The following RLN3 variants were observed in gnomAD, a reference collection of about 807,000 sequenced individuals.
RLN3 encodes the protein relaxin-3.
A neutral mutation model predicts 10.2 loss-of-function variants in RLN3; 13 were observed. That is an observed-to-expected ratio of 1.28 (90% CI 0.83 to 2.03). The LOEUF is 2.03. Among genes scored for constraint, RLN3 ranks in the 30% most tolerant of loss-of-function variants. The pLI is 0.00. For synonymous variants in RLN3, 56 were observed against 79.2 expected, an observed-to-expected ratio of 0.71 and a Z score of 1.56; for missense variants, 191 against 187.2, an observed-to-expected ratio of 1.02 and a Z score of -0.12.
In RLN3 at chr19:14,028,249, G is replaced by C; in HGVS notation, c.45G>C (p.Leu15=). 3.7e-6 allele frequency: 6 copies of C among 1,612,340 alleles called. No homozygotes were observed. The highest frequency in any genetic ancestry group is 5.1e-6 in the Non-Finnish European group (6 of 1,179,300). Residue 15 remains leucine, a synonymous_variant, in exon 1 of 2, where the codon CTG becomes CTC. Transcript: ENST00000431365. ...TGCTGCTCCTGGCGGTATGGGTGCT[G>C]ACCGGGGAGCTGTGGCCGGGAGCTG... The part of the protein sequence containing the change: ...MLLLLLAVWV[L]TGELWPGAEA...
Position 14,029,777 on chromosome 19 carries a change from GTTGT to G in RLN3, c.191-929_191-926del, listed in dbSNP as rs1975768210. Among the ~76,000 whole-genome samples the G allele has an allele frequency of 2.0e-5, 3 of 150,874 alleles. No individual in the cohort carries two copies. The South Asian group carries it at 6.3e-4, about 32-fold the overall frequency. The stretch of plus-strand genomic sequence containing the variant: ...GTTAACCTGCTAAAGCACTTAAAAC[GTTGT>G]TTGACACAAAGTAAGTGATCAATAA... On this transcript the variant is annotated intron_variant, in intron 1 of 1. Transcript: ENST00000431365.
intron 1 of RLN3, among the ~76,000 whole-genome samples, chr19:14,028,775 C>CT (rs775942760): frequency 3.3e-5 from 5 of 152,078 alleles, no homozygotes; most frequent in Non-Finnish European, 7.4e-5. Flanking sequence ...TCTTCCGTCT[C>CT]TGAGTGTCTT....
chr19:14,030,160 T>G, intron 1 of RLN3: 2 of 629,260 alleles, frequency 3.2e-6, no homozygotes, highest in Non-Finnish European at 5.7e-6. Context: ...GTTCCAGACA[T>G]TGTTCTAAGT....
chr19:14,030,388 G>T (rs541939477), intron 1 of RLN3: 83 of 702,068 alleles, frequency 1.2e-4, no homozygotes, highest in Admixed American at 3.4e-4. Context: ...GGCTGGGTGC[G>T]GTGGCTCACG....
intron 1 of RLN3, among the ~76,000 whole-genome samples, 170 bp from the exon 2 acceptor site, chr19:14,030,540 C>G (rs142469651): frequency 0.013 from 2,001 of 152,304 alleles, 24 homozygotes; most frequent in Non-Finnish European, 0.017. Context: ...CACCTGTAAT[C>G]CCACCTACTC....
At chr19:14,029,806 A>AATTATCATTATTATTATT (rs1975769469) in intron 1 of RLN3, among the ~76,000 whole-genome samples, 1 of 142,324 alleles carries the variant, frequency 7.0e-6, no homozygotes, top group African/African-American at 2.6e-5. Flanking sequence ...GTGATCAATA[A>AATTATCATTATTATTATT]ATTATTATTA....
At chr19:14,029,998 T>C (rs1341317714) in intron 1 of RLN3, among the ~76,000 whole-genome samples, 1 of 151,720 alleles carries the variant, frequency 6.6e-6, no homozygotes, top group East Asian at 1.9e-4. Context: ...TAACTTTTTA[T>C]TATTTGTAGA....
At position 14,028,365 on chromosome 19, in the gene RLN3, G is replaced by C; in HGVS notation, c.161G>C (p.Arg54Pro). The C allele has an allele frequency of 1.2e-6, 2 of 1,612,894 alleles. No homozygotes were observed. Among genetic ancestry groups the C allele is most frequent in the Non-Finnish European group, 8.5e-7 (1 of 1,179,490 alleles). Reference sequence around the variant, plus strand: ...ACCTGCGGGGGCTCCCGGTGGAGACGATCAGACATCCTGGCCCACGAGGCT... The same window carrying C: ...ACCTGCGGGGGCTCCCGGTGGAGACCATCAGACATCCTGGCCCACGAGGCT... ...IFTCGGSRWR[R>P]SDILAHEAMG... Residue 54 changes from arginine (R) to proline (P), a missense_variant, in exon 1 of 2, where the codon CGA becomes CCA. Transcript: ENST00000431365.
rs1279605664 is a variant in RLN3 at position 14,030,945 on chromosome 19, C to G, written c.426C>G (p.Cys142Trp). 2 of 1,556,400 alleles carry G rather than the reference C, an allele frequency of 1.3e-6. No individual in the cohort carries two copies. The highest frequency in any genetic ancestry group is 1.7e-6 in the Non-Finnish European group (2 of 1,148,746). The change falls in exon 2 of 2, where the codon TGC (cysteine) becomes TGG (tryptophan). Residue 142 changes from cysteine to tryptophan, a missense_variant. Coordinates refer to ENST00000431365, the MANE Select transcript of RLN3 (RefSeq NM_080864.4). ...GCAAAAGTGAAATCAGTAGCCTTTGCTAGTTTGAGGGCTGGGCAGCCGTGG... is the reference window on the plus strand; with the variant it reads ...GCAAAAGTGAAATCAGTAGCCTTTGGTAGTTTGAGGGCTGGGCAGCCGTGG... The part of the protein sequence containing the change: ...GCSKSEISSL[C>W]
At position 14,030,920 on chromosome 19, in the gene RLN3, G is replaced by A; in HGVS notation, c.401G>A (p.Ser134Asn). The change falls in exon 2 of 2, where the codon AGC becomes AAC. Residue 134 changes from serine to asparagine, a missense_variant. By Grantham distance (46) the Ser-to-Asn change is conservative (BLOSUM62 1). Coordinates refer to ENST00000431365, the MANE Select transcript of RLN3 (RefSeq NM_080864.4). ...AGCAGCTGCTGCAAGTGGGGGTGTA[G>A]CAAAAGTGAAATCAGTAGCCTTTGC... ...LSSSCCKWGC[S>N]KSEISSLC 6.3e-7 allele frequency: 1 copy of A among 1,584,720 alleles called. No homozygotes were observed. The highest frequency in any genetic ancestry group is 8.6e-7 in the Non-Finnish European group (1 of 1,163,632).
intron 1 of RLN3, chr19:14,030,328 A>G: frequency 1.4e-6 from 1 of 702,956 alleles, no homozygotes; most frequent in Admixed American, 2.0e-5. Flanking sequence ...CCCAGCTCCC[A>G]AATGTACCAG....
At position 14,030,923 on chromosome 19, in the gene RLN3, A is replaced by C; in HGVS notation, c.404A>C (p.Lys135Thr). 6.3e-7 allele frequency: 1 copy of C among 1,583,320 alleles called. No homozygotes were observed. The highest frequency in any genetic ancestry group is 8.6e-7 in the Non-Finnish European group (1 of 1,162,978). The change falls in exon 2 of 2, where the codon AAA (lysine) becomes ACA (threonine). Residue 135 changes from lysine (K) to threonine (T), a missense_variant. Transcript: ENST00000431365. ...SSSCCKWGCSKSEISSLC is the reference protein window; with the variant it reads ...SSSCCKWGCSTSEISSLC ...AGCTGCTGCAAGTGGGGGTGTAGCA[A>C]AAGTGAAATCAGTAGCCTTTGCTAG... is the stretch of plus-strand genomic sequence containing the variant.
chr19:14,030,141 G>C, intron 1 of RLN3: 1 of 605,446 alleles, frequency 1.7e-6, no homozygotes. Flanking sequence ...ATTTTTGAGT[G>C]CTCATCATGT....
chr19:14,031,253 A>C lies in RLN3; in HGVS notation c.*305A>C. On this transcript the variant is annotated 3_prime_UTR_variant, in exon 2 of 2. Coordinates refer to ENST00000431365, the MANE Select transcript of RLN3 (RefSeq NM_080864.4). ...AACCATGCGTTTGCCTGGCCTACAC[A>C]CTCCACTGCCACAACTGGGTCCCTA... is the stretch of plus-strand genomic sequence containing the variant. The C allele has an allele frequency of 3.0e-6, 1 of 332,820 alleles. No individual in the cohort carries two copies. Among genetic ancestry groups the C allele is most frequent in the African/African-American group, 2.2e-5 (1 of 45,948 alleles). 20.6% of individuals were successfully genotyped at this position (332,820 alleles called of 1,614,324 possible).
Position 14,028,945 on chromosome 19 carries a change from T to A in RLN3, c.190+551T>A, listed in dbSNP as rs1429108598. On this transcript the variant is annotated intron_variant, in intron 1 of 1. Coordinates refer to ENST00000431365, the MANE Select transcript of RLN3 (RefSeq NM_080864.4). ...ACCTGACACCATGCCTGGCTAGTTTTAAATTTTTTTTTTGTAGAAACAGGG... is the reference window on the plus strand; with the variant it reads ...ACCTGACACCATGCCTGGCTAGTTTAAAATTTTTTTTTTGTAGAAACAGGG... Among the ~76,000 whole-genome samples, 6 of 152,018 alleles carry A rather than the reference T, an allele frequency of 3.9e-5. No homozygotes were observed. The South Asian group carries it at 6.2e-4, about 16-fold the overall frequency.
At position 14,029,145 on chromosome 19, in the gene RLN3, CAG is replaced by C. The variant is rs1328938449; in HGVS notation, c.190+754_190+755del. Among the ~76,000 whole-genome samples the C allele has an allele frequency of 3.9e-5, 6 of 151,920 alleles. No homozygotes were observed. In the Admixed American group the frequency reaches 4.0e-4, roughly 10 times the overall value. ...ATGATTAAATCAAAACAGATTAGGGCAGAGTCTCAGCAGGGCAGCGGCACAAT... is the reference window on the plus strand; with the variant it reads ...ATGATTAAATCAAAACAGATTAGGGCAGTCTCAGCAGGGCAGCGGCACAAT... On this transcript the variant is annotated intron_variant, in intron 1 of 1. Transcript: ENST00000431365.
Position 14,030,919 on chromosome 19 carries a change from A to G in RLN3, c.400A>G (p.Ser134Gly). ...LSSSCCKWGC[S>G]KSEISSLC Reference sequence around the variant, plus strand: ...CAGCAGCTGCTGCAAGTGGGGGTGTAGCAAAAGTGAAATCAGTAGCCTTTG... The same window carrying G: ...CAGCAGCTGCTGCAAGTGGGGGTGTGGCAAAAGTGAAATCAGTAGCCTTTG... The change falls in exon 2 of 2, where the codon AGC becomes GGC. Residue 134 changes from serine (S) to glycine (G), a missense_variant. By Grantham distance (56) the Ser-to-Gly change is moderately conservative. Coordinates refer to ENST00000431365, the MANE Select transcript of RLN3 (RefSeq NM_080864.4). 1 of 1,585,140 alleles carries G rather than the reference A, an allele frequency of 6.3e-7. No individual in the cohort carries two copies. Among genetic ancestry groups the G allele is most frequent in the Admixed American group, 1.8e-5 (1 of 56,554 alleles).
intron 1 of RLN3, among the ~76,000 whole-genome samples, chr19:14,028,626 G>T (rs1176459932): frequency 6.6e-6 from 1 of 152,102 alleles, no homozygotes; most frequent in Admixed American, 6.6e-5. Context: ...GAGGACAGGT[G>T]GGGGCGGGGA....
rs1250138750 is a variant in RLN3 at position 14,030,790 on chromosome 19, C to G, written c.271C>G (p.Leu91Val). ...TGAGGCCATGGGGTCCAGCGAGTGG[C>G]TGGCCCTGACCAAGTCACCCCAGGC... Reference protein sequence around the residue: ...LDEAMGSSEWLALTKSPQAFY... With the variant: ...LDEAMGSSEWVALTKSPQAFY... Residue 91 changes from leucine (L) to valine (V), a missense_variant, in exon 2 of 2, where the codon CTG (leucine) becomes GTG (valine). Physicochemically the swap from Leu to Val is conservative, Grantham distance 32. Transcript: ENST00000431365. 2.5e-5 allele frequency: 41 copies of G among 1,614,102 alleles called. No individual in the cohort carries two copies. The highest frequency in any genetic ancestry group is 3.2e-5 in the Non-Finnish European group (38 of 1,180,050).
Sources: allele counts gnomAD v4.1 joint callset (sites outside exome capture counted in the v4.1 genomes callset), GRCh38; gene constraint gnomAD v4.1.1; transcripts MANE v1.5; gene names NCBI Gene and HGNC (gene_info 2026-07-23, HGNC 2026-07-21).